The following DNAI1 variants were observed in gnomAD, a reference collection of about 807,000 sequenced individuals.
DNAI1 encodes dynein, axonemal, intermediate polypeptide 1.
A neutral mutation model predicts 92.0 loss-of-function variants in DNAI1; 67 were observed. That is an observed-to-expected ratio of 0.73 (90% confidence interval 0.60 to 0.89). The LOEUF is 0.89. Among genes scored for constraint, DNAI1 ranks in the 40% least tolerant of loss-of-function variants. The probability of loss-of-function intolerance (pLI) is 0.00; values close to 1 mark genes in which losing one functional copy is unlikely to be tolerated. For missense variants in DNAI1, 839 were observed against 866.6 expected (o/e 0.97, Z 0.40); for synonymous variants, 323 against 319.6 (o/e 1.01, Z -0.11).
At chr9:34,497,024 G>A in intron 9 of DNAI1, 91 bp from the exon 10 acceptor site, 4 of 980,440 alleles carry the variant, frequency 4.1e-6, no homozygotes, top group Non-Finnish European at 6.6e-6. Flanking sequence ...GAGAGCTACT[G>A]CTGAATCAAT....
intron 8 of DNAI1, 61 bp downstream of exon 8, chr9:34,491,615 T>G: frequency 6.3e-7 from 1 of 1,587,674 alleles, no homozygotes; most frequent in South Asian, 1.1e-5. Flanking sequence ...CTTTCCTCAT[T>G]TAGCAGCAAA....
Position 34,514,382 on chromosome 9 carries a change from C to T in DNAI1, c.1570-12C>T. The T allele has an allele frequency of 5.0e-6, 8 of 1,613,512 alleles. No homozygotes were observed. Among genetic ancestry groups the T allele is most frequent in the Non-Finnish European group, 6.8e-6 (8 of 1,180,032 alleles). ...TTCTCTCACTTCTGACCCCCGTTCC[C>T]TCCCCGACCAGTGCTCTAAATCCTA... On this transcript the variant is annotated splice_polypyrimidine_tract_variant and intron_variant, in intron 16 of 19. Transcript: ENST00000242317.
chr9:34,473,169 CTTTAT>C (rs1824172881), intron 1 of DNAI1, among the ~76,000 whole-genome samples: 1 of 151,788 alleles, frequency 6.6e-6, no homozygotes, highest in Non-Finnish European at 1.5e-5. Flanking sequence ...ATTCTTTCTA[CTTTAT>C]TTTTTCAACA....
At position 34,506,791 on chromosome 9, in the gene DNAI1, A is replaced by G. The variant is rs1435976145; in HGVS notation, c.1228A>G (p.Ile410Val). The G allele has an allele frequency of 6.2e-7, 1 of 1,614,138 alleles. No individual in the cohort carries two copies. Among genetic ancestry groups the G allele is most frequent in the Non-Finnish European group, 8.5e-7 (1 of 1,180,020 alleles). The change falls in exon 13 of 20, where the codon ATT becomes GTT. Residue 410 changes from isoleucine to valine, a missense_variant. Coordinates refer to ENST00000242317, the MANE Select transcript of DNAI1 (RefSeq NM_012144.4). ...AGGCCACTATGACGGCAACGTGGCC[A>G]TTTACAACCTCAAGAAGCCCCACTC... ...AVGHYDGNVA[I>V]YNLKKPHSQP... is the part of the protein sequence containing the mutation.
chr9:34,462,842 T>C (rs1472597133), intron 1 of DNAI1, among the ~76,000 whole-genome samples: 12 of 152,342 alleles, frequency 7.9e-5, no homozygotes. Flanking sequence ...AGTAATTATT[T>C]ATCGTACCCA....
chr9:34,476,192 A>G (rs1217008964), intron 1 of DNAI1, among the ~76,000 whole-genome samples: 1 of 152,192 alleles, frequency 6.6e-6, no homozygotes, highest in Non-Finnish European at 1.5e-5. Context: ...AGTGCTCACT[A>G]GATTACAGTT....
Position 34,517,381 on chromosome 9 carries a change from C to CTCATCCACCCCA in DNAI1, c.1921_1932dup (p.His641_Ile644dup), listed in dbSNP as rs1200427770. The CTCATCCACCCCA allele has an allele frequency of 1.2e-6, 2 of 1,614,104 alleles. No individual in the cohort carries two copies. Among genetic ancestry groups the CTCATCCACCCCA allele is most frequent in the Non-Finnish European group, 1.7e-6 (2 of 1,180,052 alleles). Reference sequence around the variant, plus strand: ...CAGGCTCACCCACGTGCAGTTCAATCTCATCCACCCCATCATCATTGTGGG... The same window carrying CTCATCCACCCCA: ...CAGGCTCACCCACGTGCAGTTCAATCTCATCCACCCCATCATCCACCCCATCATCATTGTGGG... On this transcript the variant is annotated inframe_insertion, in exon 19 of 20. Coordinates refer to ENST00000242317, the MANE Select transcript of DNAI1 (RefSeq NM_012144.4).
In DNAI1 at chr9:34,514,428, C is replaced by A. The variant is rs76334696; in HGVS notation, c.1604C>A (p.Thr535Asn). 6.5e-3 allele frequency: 10,555 copies of A among 1,614,238 alleles called. 278 individuals carry two copies. Among genetic ancestry groups the A allele is most frequent in the East Asian group, 0.06 (2,708 of 44,886 alleles). ...SKSYSSQFLD[T>N]YDAHNMSVDT... ...TCCTACTCCAGCCAATTCCTCGACA[C>A]CTATGACGCCCACAACATGTCAGTG... Residue 535 changes from threonine to asparagine, a missense_variant, in exon 17 of 20, where the codon ACC becomes AAC. Transcript: ENST00000242317.
chr9:34,514,342 G>T, intron 16 of DNAI1, 52 bp from the exon 17 acceptor site: 1 of 1,605,146 alleles, frequency 6.2e-7, no homozygotes, highest in Admixed American at 1.7e-5. Flanking sequence ...CCAGGGAAGT[G>T]GTGGCTGCTG....
At chr9:34,468,399 C>T (rs1824078531) in intron 1 of DNAI1, among the ~76,000 whole-genome samples, 1 of 151,562 alleles carries the variant, frequency 6.6e-6, no homozygotes, top group Non-Finnish European at 1.5e-5. Flanking sequence ...CCATGTTAGC[C>T]AGGATGGTCT....
chr9:34,495,888 G>A (rs369986247), intron 9 of DNAI1, among the ~76,000 whole-genome samples: 35 of 152,270 alleles, frequency 2.3e-4, no homozygotes, highest in Admixed American at 1.6e-3. Context: ...TCTGAGGTCC[G>A]TGACTGCAAG....
chr9:34,513,268 T>A (rs1376214164), intron 16 of DNAI1, 77 bp downstream of exon 16: 2 of 1,150,742 alleles, frequency 1.7e-6, no homozygotes, highest in Non-Finnish European at 2.6e-6. Flanking sequence ...TCTCAACAGA[T>A]CCTATTTTGA....
intron 16 of DNAI1, among the ~76,000 whole-genome samples, chr9:34,513,475 C>T (rs913650618): frequency 1.1e-4 from 17 of 152,160 alleles, no homozygotes; most frequent in African/African-American, 2.4e-4. Flanking sequence ...AGGGGGGATT[C>T]GGAGGAGTTA....
intron 5 of DNAI1, 49 bp from the exon 6 acceptor site, chr9:34,489,963 T>C (rs760776527): frequency 1.1e-5 from 17 of 1,605,026 alleles, no homozygotes; most frequent in Non-Finnish European, 1.3e-5. Context: ...CTGCCACAGA[T>C]TGGGAGAGCA....
At chr9:34,464,567 T>C (rs1309901484) in intron 1 of DNAI1, among the ~76,000 whole-genome samples, 2 of 151,968 alleles carry the variant, frequency 1.3e-5, no homozygotes, top group South Asian at 2.1e-4. Flanking sequence ...TCCTCTGTTA[T>C]ATAGTCTCAT....
chr9:34,466,465 A>T lies in DNAI1; in HGVS notation c.48+7412A>T, dbSNP rs144616426. On this transcript the variant is annotated intron_variant, in intron 1 of 19. Transcript: ENST00000242317. ...GCTTCTGTGCCTCTGTGTCTTTGTTAATTATTTTGTTCCCTCTGCATGGAA... is the reference window on the plus strand; with the variant it reads ...GCTTCTGTGCCTCTGTGTCTTTGTTTATTATTTTGTTCCCTCTGCATGGAA... Among the ~76,000 whole-genome samples the T allele has an allele frequency of 3.4e-3, 517 of 152,190 alleles. 2 individuals carry two copies. Among genetic ancestry groups the T allele is most frequent in the African/African-American group, 0.011 (477 of 41,508 alleles).
At chr9:34,507,276 G>A (rs1824955029) in intron 13 of DNAI1, among the ~76,000 whole-genome samples, 1 of 152,048 alleles carries the variant, frequency 6.6e-6, no homozygotes, top group Admixed American at 6.5e-5. Context: ...ATAACTTTGG[G>A]GTCCTCAAAA....
chr9:34,485,359 C>T (rs1824449608), intron 3 of DNAI1, 78 bp from the exon 4 acceptor site: 2 of 1,584,748 alleles, frequency 1.3e-6, no homozygotes, highest in Non-Finnish European at 1.7e-6. Flanking sequence ...TCTGCTGATA[C>T]TCTGAGGGAT....
rs959563471 is a variant in DNAI1, at chr9:34,520,736, G to C, written c.2080G>C (p.Glu694Gln). Residue 694 changes from glutamate to glutamine, a missense_variant, in exon 20 of 20, where the codon GAA (glutamate) becomes CAA (glutamine). By Grantham distance (29) the Glu-to-Gln change is conservative (BLOSUM62 2). Coordinates refer to ENST00000242317, the MANE Select transcript of DNAI1 (RefSeq NM_012144.4). ...KLDKLLNLVR[E>Q]VKIKT ...GGACAAACTGCTGAACCTGGTGAGG[G>C]AAGTGAAAATCAAGACCTGAGGGGC... 1.3e-6 allele frequency: 2 copies of C among 1,551,662 alleles called. No individual in the cohort carries two copies. The highest frequency in any genetic ancestry group is 1.7e-6 in the Non-Finnish European group (2 of 1,146,990).
Sources: allele counts gnomAD v4.1 joint callset (sites outside exome capture counted in the v4.1 genomes callset), GRCh38; gene constraint gnomAD v4.1.1; transcripts MANE v1.5; gene names NCBI Gene and HGNC (gene_info 2026-07-23, HGNC 2026-07-21).